Variants in SPHKAP observed in about 807,000 individuals in gnomAD.
The protein encoded by SPHKAP is SPHK1 interactor, AKAP domain containing.
Under a neutral mutation model 137.5 loss-of-function variants are expected in SPHKAP, and 67 were observed. The observed-to-expected ratio is 0.49, with a 90% CI of 0.40 to 0.60. The LOEUF (loss-of-function observed/expected upper bound fraction) is 0.60. SPHKAP is among the 20% of genes least tolerant of loss of function. The probability of loss-of-function intolerance (pLI) is 0.00; values close to 1 mark genes in which losing one functional copy is unlikely to be tolerated. For missense variants in SPHKAP, 2,097 were observed against 2,069.3 expected, an observed-to-expected ratio of 1.01 and a Z score of -0.26; for synonymous variants, 813 against 785.3, an observed-to-expected ratio of 1.04 and a Z score of -0.59.
At chr2:228,098,841 G>A (rs1048090608) in intron 3 of SPHKAP, among the ~76,000 whole-genome samples, 9 of 149,420 alleles carry the variant, frequency 6.0e-5, no homozygotes, top group Middle Eastern at 3.2e-3. Context: ...ATTTCTTAAC[G>A]GGGTGGTTTT....
At chr2:228,000,848 T>A (rs1693828069) in intron 7 of SPHKAP, among the ~76,000 whole-genome samples, 3 of 152,142 alleles carry the variant, frequency 2.0e-5, no homozygotes. Context: ...AGTATAAACA[T>A]CTGTGTGCAG....
chr2:228,149,668 T>C (rs1302739682), intron 1 of SPHKAP, among the ~76,000 whole-genome samples: 3 of 152,208 alleles, frequency 2.0e-5, no homozygotes, highest in African/African-American at 7.2e-5. Context: ...TTTAGATTTA[T>C]TCCTAGAAAT....
chr2:228,095,832 A>G (rs1559171247), intron 3 of SPHKAP, among the ~76,000 whole-genome samples: 1 of 152,208 alleles, frequency 6.6e-6, no homozygotes, highest in Non-Finnish European at 1.5e-5. Context: ...ACTTTCATTA[A>G]CAATGATGAC....
chr2:228,079,668 C>A (rs972845132), intron 3 of SPHKAP, among the ~76,000 whole-genome samples: 2 of 152,242 alleles, frequency 1.3e-5, no homozygotes, highest in Non-Finnish European at 2.9e-5. Context: ...CAAGGCCCAC[C>A]AGCTCCAGGT....
At chr2:228,046,291 CTTTTTTT>C (rs58510792) in intron 3 of SPHKAP, among the ~76,000 whole-genome samples, 6 of 82,528 alleles carry the variant, frequency 7.3e-5, no homozygotes, top group South Asian at 5.1e-4. Flanking sequence ...TGTTGTTATT[CTTTTTTT>C]TTTTTTTTTT....
chr2:228,016,488 C>T lies in SPHKAP; in HGVS notation c.4366G>A (p.Ala1456Thr), dbSNP rs868303525. The change falls in exon 7 of 12, where the codon GCA becomes ACA. Residue 1456 changes from alanine (A) to threonine (T), a missense_variant. Ala to Thr is a moderately conservative substitution (Grantham distance 58, BLOSUM62 0). Transcript: ENST00000392056. ...TTTTTGTCATTCGAATGCCCTTCTG[C>T]TTCCTCTAGGAGGCTGCTTTTGGAA... ...FLSKSSLLEE[A>T]EGHSNDKNIP... The T allele has an allele frequency of 3.1e-6, 5 of 1,613,598 alleles. No individual in the cohort carries two copies. In the African/African-American group the frequency reaches 6.7e-5, roughly 22 times the overall value.
At chr2:228,133,285 CCA>C (rs1699320325) in intron 1 of SPHKAP, among the ~76,000 whole-genome samples, 1 of 151,258 alleles carries the variant, frequency 6.6e-6, no homozygotes, top group Non-Finnish European at 1.5e-5. Flanking sequence ...CCAGCCTGGG[CCA>C]CAGAGTGAGA....
intron 1 of SPHKAP, among the ~76,000 whole-genome samples, chr2:228,167,769 A>G (rs1162988986): frequency 6.6e-6 from 1 of 152,192 alleles, no homozygotes; most frequent in Non-Finnish European, 1.5e-5. Flanking sequence ...AAAAAGAAAT[A>G]AGGTATGTTA....
At chr2:228,053,978 T>A (rs1211818752) in intron 3 of SPHKAP, among the ~76,000 whole-genome samples, 3 of 152,236 alleles carry the variant, frequency 2.0e-5, no homozygotes, top group Non-Finnish European at 4.4e-5. Flanking sequence ...TTCAAACATT[T>A]CTTTCCATCA....
In SPHKAP at chr2:227,980,502, G is replaced by A. The variant is rs553600783; in HGVS notation, c.*1215C>T. 2.2e-4 allele frequency: 33 copies of A among 152,282 alleles called. No individual in the cohort carries two copies. The highest frequency in any genetic ancestry group is 7.7e-4 in the African/African-American group (32 of 41,576). 9.4% of individuals were successfully genotyped at this position (152,282 alleles called of 1,614,324 possible). On this transcript the variant is annotated 3_prime_UTR_variant, in exon 12 of 12. Coordinates refer to ENST00000392056, the MANE Select transcript of SPHKAP (RefSeq NM_001142644.2). Reference sequence around the variant, plus strand: ...AATAAAAGTCCGTGTAGGTCATTTAGTTGGAAGGAAAGAAGACTTATTAGG... The same window carrying A: ...AATAAAAGTCCGTGTAGGTCATTTAATTGGAAGGAAAGAAGACTTATTAGG...
At chr2:228,121,671 G>A (rs1698908090) in intron 2 of SPHKAP, among the ~76,000 whole-genome samples, 1 of 152,162 alleles carries the variant, frequency 6.6e-6, no homozygotes, top group Non-Finnish European at 1.5e-5. Context: ...TTCCATCCTG[G>A]AGAGTATGAG....
intron 3 of SPHKAP, among the ~76,000 whole-genome samples, chr2:228,059,687 A>G (rs1696571958): frequency 6.6e-6 from 1 of 152,234 alleles, no homozygotes. Context: ...TTCAGATGCT[A>G]CTATATGGAA....
At chr2:228,170,232 C>T (rs929950662) in intron 1 of SPHKAP, among the ~76,000 whole-genome samples, 4 of 151,978 alleles carry the variant, frequency 2.6e-5, no homozygotes, top group African/African-American at 7.2e-5. Flanking sequence ...TGTTTGTTTG[C>T]GATGGAGCCT....
At chr2:228,092,407 A>ATATATACATATATGTATATATGTGC (rs1490218633) in intron 3 of SPHKAP, among the ~76,000 whole-genome samples, 1 of 78,130 alleles carries the variant, frequency 1.3e-5, no homozygotes, top group African/African-American at 5.7e-5. Context: ...ACACATATAC[A>ATATATACATATATGTATATATGTGC]CATATATACA....
chr2:228,148,286 T>A (rs1226309827), intron 1 of SPHKAP, among the ~76,000 whole-genome samples: 1 of 152,188 alleles, frequency 6.6e-6, no homozygotes, highest in East Asian at 1.9e-4. Flanking sequence ...TAGGTTTCCA[T>A]GCAAGTAGAA....
chr2:228,101,315 A>T (rs543600182), intron 3 of SPHKAP, among the ~76,000 whole-genome samples: 1 of 152,184 alleles, frequency 6.6e-6, no homozygotes, highest in African/African-American at 2.4e-5. Flanking sequence ...ATTCATTAAC[A>T]TATGCTGTTT....
chr2:228,007,877 A>G (rs959193877), intron 7 of SPHKAP, among the ~76,000 whole-genome samples: 7 of 152,218 alleles, frequency 4.6e-5, no homozygotes, highest in African/African-American at 1.7e-4. Context: ...CTAAAAATGG[A>G]CCCTTTTCTC....
chr2:228,085,167 A>G (rs1254987841), intron 3 of SPHKAP, among the ~76,000 whole-genome samples: 3 of 152,358 alleles, frequency 2.0e-5, no homozygotes, highest in Non-Finnish European at 2.9e-5. Flanking sequence ...ATGAATAAGC[A>G]TTTGGAAAGG....
At chr2:227,983,871 G>T (rs369127561) in intron 11 of SPHKAP, among the ~76,000 whole-genome samples, 1 of 152,090 alleles carries the variant, frequency 6.6e-6, no homozygotes, top group Admixed American at 6.6e-5. Flanking sequence ...AATAAAAGCT[G>T]GTCATGGGGC....
Sources: allele counts gnomAD v4.1 joint callset (sites outside exome capture counted in the v4.1 genomes callset), GRCh38; gene constraint gnomAD v4.1.1; transcripts MANE v1.5; gene names NCBI Gene and HGNC (gene_info 2026-07-23, HGNC 2026-07-21).